ZNF207: variants seen among roughly 807,000 people sequenced by gnomAD.
ZNF207 encodes BUB3-interacting and GLEBS motif-containing protein ZNF207.
In ZNF207, 24 loss-of-function variants were observed where a neutral mutation model predicts 60.2. The observed-to-expected ratio is 0.40, with a 90% CI of 0.29 to 0.56. The LOEUF (loss-of-function observed/expected upper bound fraction) is 0.56. Ranked by LOEUF, ZNF207 falls within the 20% of genes least tolerant of loss-of-function variation. The pLI, the probability that ZNF207 is intolerant of heterozygous loss-of-function variation, is 0.49. For synonymous variants in ZNF207, 236 were observed against 194.7 expected, an observed-to-expected ratio of 1.21 and a Z score of -1.77; for missense variants, 452 against 636.6, an observed-to-expected ratio of 0.71 and a Z score of 3.12.
rs1313056632 is a variant in ZNF207, at chr17:32,380,181, C to G, written c.*10422C>G. 1 of 152,556 alleles carries G rather than the reference C, an allele frequency of 6.6e-6. No homozygotes were observed. The highest frequency in any genetic ancestry group is 2.4e-5 in the African/African-American group (1 of 41,426). 9.5% of individuals were successfully genotyped at this position (152,556 alleles called of 1,614,324 possible). On this transcript the variant is annotated 3_prime_UTR_variant, in exon 12 of 12. Coordinates refer to ENST00000394670, the MANE Select transcript of ZNF207 (RefSeq NM_001098507.2). Reference sequence around the variant, plus strand: ...TGTGTCCTTTCCTAGCAGGAATAAACAGTGAAAATTTGGTAAGTATTTAAC... The same window carrying G: ...TGTGTCCTTTCCTAGCAGGAATAAAGAGTGAAAATTTGGTAAGTATTTAAC...
chr17:32,354,594 G>A (rs1253838327), intron 2 of ZNF207, among the ~76,000 whole-genome samples: 1 of 151,330 alleles, frequency 6.6e-6, no homozygotes. Flanking sequence ...ACAGGCATAA[G>A]TCACTGCAGC....
At position 32,360,884 on chromosome 17, in the gene ZNF207, G is replaced by A; in HGVS notation, c.476-8G>A. On this transcript the variant is annotated splice_polypyrimidine_tract_variant and splice_region_variant and intron_variant, in intron 4 of 11. Transcript: ENST00000394670. ...TGTTATTATTTTGATTGAAATTCTT[G>A]CTTGTAGGCATACCTCCATTAATGC... 6.2e-7 allele frequency: 1 copy of A among 1,613,890 alleles called. No individual in the cohort carries two copies. Among genetic ancestry groups the A allele is most frequent in the Non-Finnish European group, 8.5e-7 (1 of 1,179,940 alleles).
At chr17:32,356,341 T>A (rs1770762142) in intron 2 of ZNF207, among the ~76,000 whole-genome samples, 1 of 152,222 alleles carries the variant, frequency 6.6e-6, no homozygotes, top group African/African-American at 2.4e-5. Flanking sequence ...GAATGCCTGT[T>A]GCATCATCTC....
rs151286323 is a variant in ZNF207 at position 32,372,164 on chromosome 17, G to T, written c.*2405G>T. ...AAATACAAAAAATTAGCTGGGCGTAGTTGCGGATGCCTGTAGTCCCAACTA... is the reference window on the plus strand; with the variant it reads ...AAATACAAAAAATTAGCTGGGCGTATTTGCGGATGCCTGTAGTCCCAACTA... On this transcript the variant is annotated 3_prime_UTR_variant, in exon 12 of 12. Coordinates refer to ENST00000394670, the MANE Select transcript of ZNF207 (RefSeq NM_001098507.2). 4.9e-4 allele frequency: 75 copies of T among 152,528 alleles called. 1 individual carries two copies. The highest frequency in any genetic ancestry group is 1.8e-3 in the African/African-American group (74 of 41,576). The allele number at this position is 152,528 out of a possible 1,614,324, so 9.4% of individuals were successfully genotyped here. A position where few individuals can be genotyped will look rare whatever the true frequency, so the allele number is the denominator to read the frequency against.
rs930479464 is a variant in ZNF207, at chr17:32,378,181, T to C, written c.*8422T>C. 3 of 152,088 alleles carry C rather than the reference T, an allele frequency of 2.0e-5. No individual in the cohort carries two copies. The highest frequency in any genetic ancestry group is 4.4e-5 in the Non-Finnish European group (3 of 67,916). The allele number at this position is 152,088 out of a possible 1,614,324, so 9.4% of individuals were successfully genotyped here. A position where few individuals can be genotyped will look rare whatever the true frequency, so the allele number is the denominator to read the frequency against. ...AGTTGTAATAAAGGTGTAATACTGC[T>C]CCTTTGTTATCTCCTTGTGGTTCAA... On this transcript the variant is annotated 3_prime_UTR_variant, in exon 12 of 12. Transcript: ENST00000394670.
Position 32,375,702 on chromosome 17 carries a change from A to G in ZNF207, c.*5943A>G, listed in dbSNP as rs1399798978. On this transcript the variant is annotated 3_prime_UTR_variant, in exon 12 of 12. Transcript: ENST00000394670. Reference sequence around the variant, plus strand: ...CATGTACCCTAGAAGTAGATACTCTAAAATTATACAGACATGAATGTCTTT... The same window carrying G: ...CATGTACCCTAGAAGTAGATACTCTGAAATTATACAGACATGAATGTCTTT... The G allele has an allele frequency of 6.6e-6, 1 of 152,136 alleles. No homozygotes were observed. Among genetic ancestry groups the G allele is most frequent in the Non-Finnish European group, 1.5e-5 (1 of 67,958 alleles). The allele number at this position is 152,136 out of a possible 1,614,324, so 9.4% of individuals were successfully genotyped here.
intron 1 of ZNF207, 84 bp downstream of exon 1, chr17:32,350,410 C>G (rs2041479304): frequency 6.4e-7 from 1 of 1,572,180 alleles, no homozygotes; most frequent in Middle Eastern, 2.1e-4. Context: ...ATTTGGCTTA[C>G]GGCGTGGAGC....
At chr17:32,357,828 C>A (rs957987265) in intron 2 of ZNF207, among the ~76,000 whole-genome samples, 2 of 151,386 alleles carry the variant, frequency 1.3e-5, no homozygotes, top group Non-Finnish European at 2.9e-5. Flanking sequence ...TTTTGAGGGA[C>A]TCTCCCTCTC....
In ZNF207 at chr17:32,357,339, A is replaced by T. The variant is rs1167577147; in HGVS notation, c.169-1164A>T. Among the ~76,000 whole-genome samples, 358 of 81,856 alleles carry T rather than the reference A, an allele frequency of 4.4e-3. 9 individuals are homozygous for T. The highest frequency in any genetic ancestry group is 0.017 in the African/African-American group (278 of 16,158). 53.7% of individuals were successfully genotyped at this position (81,856 alleles called of 152,430 possible). ...TATTATTATTATTATTATTATTATT[A>T]TTATTATTATTATTTTTTTTTTTTT... On this transcript the variant is annotated intron_variant, in intron 2 of 11. Transcript: ENST00000394670.
In ZNF207 at chr17:32,371,373, CAA is replaced by C. The variant is rs1905455938; in HGVS notation, c.*1617_*1618del. On this transcript the variant is annotated 3_prime_UTR_variant, in exon 12 of 12. Coordinates refer to ENST00000394670, the MANE Select transcript of ZNF207 (RefSeq NM_001098507.2). The stretch of plus-strand genomic sequence containing the variant: ...ATATTGAAAAGTGATTTAGCCATCA[CAA>C]AAGAGTTCGTATTTATGTGACAGAT... 3 of 152,242 alleles carry C rather than the reference CAA, an allele frequency of 2.0e-5. No homozygotes were observed. The highest frequency in any genetic ancestry group is 7.2e-5 in the African/African-American group (3 of 41,550). The allele number at this position is 152,242 out of a possible 1,614,324, so 9.4% of individuals were successfully genotyped here.
chr17:32,369,234 C>A, intron 10 of ZNF207, 61 bp from the exon 11 acceptor site: 1 of 1,575,206 alleles, frequency 6.3e-7, no homozygotes, highest in Non-Finnish European at 8.7e-7. Context: ...AGATGCATGC[C>A]TTTATGCTTG....
rs1306634837 is a variant in ZNF207, at chr17:32,380,703, A to G, written c.*10944A>G. ...TTTAAAGCAGTTTTTAAATTGAGAGAAAAGGGGCTGGGCCCAGCTGAGGCG... is the reference window on the plus strand; with the variant it reads ...TTTAAAGCAGTTTTTAAATTGAGAGGAAAGGGGCTGGGCCCAGCTGAGGCG... On this transcript the variant is annotated 3_prime_UTR_variant, in exon 12 of 12. Transcript: ENST00000394670. 2.0e-5 allele frequency: 3 copies of G among 152,226 alleles called. No individual in the cohort carries two copies. Among genetic ancestry groups the G allele is most frequent in the Non-Finnish European group, 4.4e-5 (3 of 68,060 alleles). The allele number at this position is 152,226 out of a possible 1,614,324, so 9.4% of individuals were successfully genotyped here. A position where few individuals can be genotyped will look rare whatever the true frequency, so the allele number is the denominator to read the frequency against.
intron 6 of ZNF207, among the ~76,000 whole-genome samples, chr17:32,362,064 G>C (rs1360349236): frequency 6.6e-6 from 1 of 151,860 alleles, no homozygotes; most frequent in African/African-American, 2.4e-5. Flanking sequence ...TTGTAAATAG[G>C]CCATCTGGTT....
rs371456655 is a variant in ZNF207 at position 32,360,975 on chromosome 17, A to G, written c.551+8A>G. ...GCCAGGCATGCCACCTGGGTAAGAAAATTCTTTTAATTGCCCTGTAGGCTT... is the reference window on the plus strand; with the variant it reads ...GCCAGGCATGCCACCTGGGTAAGAAGATTCTTTTAATTGCCCTGTAGGCTT... On this transcript the variant is annotated splice_region_variant and intron_variant, in intron 5 of 11. Transcript: ENST00000394670. 5.0e-5 allele frequency: 80 copies of G among 1,611,830 alleles called. No individual in the cohort carries two copies. Among genetic ancestry groups the G allele is most frequent in the Non-Finnish European group, 6.1e-5 (72 of 1,179,562 alleles).
In ZNF207 at chr17:32,370,796, A is replaced by G. The variant is rs938513477; in HGVS notation, c.*1037A>G. On this transcript the variant is annotated 3_prime_UTR_variant, in exon 12 of 12. Coordinates refer to ENST00000394670, the MANE Select transcript of ZNF207 (RefSeq NM_001098507.2). ...AGCTTTTCAGGTGCAAACTTCTAGA[A>G]GCTTAGGTGCATGCAGTAATAGCTT... is the stretch of plus-strand genomic sequence containing the variant. 1 of 152,210 alleles carries G rather than the reference A, an allele frequency of 6.6e-6. No homozygotes were observed. 9.4% of individuals were successfully genotyped at this position (152,210 alleles called of 1,614,324 possible).
rs542691636 is a variant in ZNF207 at position 32,378,492 on chromosome 17, C to T, written c.*8733C>T. 5 of 151,914 alleles carry T rather than the reference C, an allele frequency of 3.3e-5. No homozygotes were observed. The highest frequency in any genetic ancestry group is 7.4e-5 in the Non-Finnish European group (5 of 67,866). The allele number at this position is 151,914 out of a possible 1,614,324, so 9.4% of individuals were successfully genotyped here. Reference sequence around the variant, plus strand: ...AGCAACACTTGTAAATACAAGTACTCCTCTATTTTTGTTCTTTTTTTGTAA... The same window carrying T: ...AGCAACACTTGTAAATACAAGTACTTCTCTATTTTTGTTCTTTTTTTGTAA... On this transcript the variant is annotated 3_prime_UTR_variant, in exon 12 of 12. Coordinates refer to ENST00000394670, the MANE Select transcript of ZNF207 (RefSeq NM_001098507.2).
At chr17:32,354,733 C>T (rs1385560364) in intron 2 of ZNF207, among the ~76,000 whole-genome samples, 1 of 152,134 alleles carries the variant, frequency 6.6e-6, no homozygotes, top group Non-Finnish European at 1.5e-5. Context: ...CCTGCCTCAG[C>T]CTCTCGAGTA....
rs760839898 is a variant in ZNF207, at chr17:32,366,676, T to A, written c.840T>A (p.Pro280=). The A allele has an allele frequency of 6.2e-7, 1 of 1,608,170 alleles. No homozygotes were observed. Among genetic ancestry groups the A allele is most frequent in the South Asian group, 1.1e-5 (1 of 90,020 alleles). The change falls in exon 9 of 12, where the codon CCT becomes CCA. Residue 280 remains proline (P), a synonymous_variant. Coordinates refer to ENST00000394670, the MANE Select transcript of ZNF207 (RefSeq NM_001098507.2). ...CTTTTATGCTACAGATGGGGACACCTGTCACAAGCTCAAGTACAGCTTCAT... is the reference window on the plus strand; with the variant it reads ...CTTTTATGCTACAGATGGGGACACCAGTCACAAGCTCAAGTACAGCTTCAT... ...LFPSAGQMGT[P]VTSSSTASSN...
intron 10 of ZNF207, among the ~76,000 whole-genome samples, chr17:32,368,672 CAG>C (rs1379280207): frequency 1.5e-5 from 2 of 132,236 alleles, no homozygotes; most frequent in Non-Finnish European, 3.2e-5. Context: ...GCCTGGGCAA[CAG>C]AGCAAGACTC....
Sources: allele counts gnomAD v4.1 joint callset (sites outside exome capture counted in the v4.1 genomes callset), GRCh38; gene constraint gnomAD v4.1.1; transcripts MANE v1.5; gene names NCBI Gene and HGNC (gene_info 2026-07-23, HGNC 2026-07-21).